The following RABGAP1L variants were observed in gnomAD, a reference collection of about 807,000 sequenced individuals.
RABGAP1L encodes the protein RAB GTPase activating protein 1 like.
A neutral mutation model predicts 137.7 loss-of-function variants in RABGAP1L; 63 were observed. That is an observed-to-expected ratio of 0.46 (90% CI 0.37 to 0.56). RABGAP1L has a LOEUF of 0.56. RABGAP1L is among the 20% of genes least tolerant of loss of function. The probability of loss-of-function intolerance (pLI) is 0.00; values close to 1 mark genes in which losing one functional copy is unlikely to be tolerated. For missense variants in RABGAP1L, 1,095 were observed against 1,244.0 expected, an observed-to-expected ratio of 0.88 and a Z score of 1.80; for synonymous variants, 431 against 433.7, an observed-to-expected ratio of 0.99 and a Z score of 0.08.
intron 18 of RABGAP1L, among the ~76,000 whole-genome samples, chr1:174,759,609 G>GA (rs901337083): frequency 8.8e-5 from 13 of 148,532 alleles, no homozygotes; most frequent in Admixed American, 6.7e-4. Context: ...AAAAAAAAAA[G>GA]AAAAAAAATG....
chr1:174,219,267 C>T lies in RABGAP1L; in HGVS notation c.110C>T (p.Thr37Ile), dbSNP rs1669571852. The change falls in exon 2 of 26, where the codon ACA (threonine) becomes ATA (isoleucine). Residue 37 changes from threonine (T) to isoleucine (I), a missense_variant. Around this residue, in one of 4 missense-constraint regions of RABGAP1L, gnomAD observed 356 missense variants for 326.3 expected, o/e 1.09. Coordinates refer to ENST00000681986, the MANE Select transcript of RABGAP1L (RefSeq NM_001366446.1). ...CCTCAGTATGCAGATGATAATTCTA[C>T]AAAACATGAAGAAAAACCTCAACTG... Reference protein sequence around the residue: ...LVPQYADDNSTKHEEKPQLKI... With the variant: ...LVPQYADDNSIKHEEKPQLKI... 6.3e-7 allele frequency: 1 copy of T among 1,577,956 alleles called. No homozygotes were observed. Among genetic ancestry groups the T allele is most frequent in the Non-Finnish European group, 8.6e-7 (1 of 1,161,666 alleles).
intron 9 of RABGAP1L, 44 bp downstream of exon 9, chr1:174,275,979 A>C (rs1266404337): frequency 6.7e-7 from 1 of 1,498,410 alleles, no homozygotes; most frequent in Non-Finnish European, 9.2e-7. Context: ...TTTACATTTT[A>C]TATTATGAAC....
intron 13 of RABGAP1L, among the ~76,000 whole-genome samples, chr1:174,589,984 T>C (rs1159655286): frequency 6.6e-6 from 1 of 152,132 alleles, no homozygotes; most frequent in African/African-American, 2.4e-5. Context: ...TATTTATTTA[T>C]ATTTCTGTGA....
intron 19 of RABGAP1L, among the ~76,000 whole-genome samples, chr1:174,885,823 C>T (rs377681950): frequency 7.8e-4 from 118 of 151,882 alleles, no homozygotes; most frequent in South Asian, 1.2e-3. Flanking sequence ...AAAAATTAGC[C>T]GGGCATGGTG....
At chr1:174,759,494 C>T (rs183975696) in intron 18 of RABGAP1L, among the ~76,000 whole-genome samples, 3 of 151,166 alleles carry the variant, frequency 2.0e-5, no homozygotes, top group African/African-American at 7.3e-5. Flanking sequence ...ACTTGGGAGG[C>T]TGAGGCAGGA....
chr1:174,707,299 C>T (rs1335488209), intron 17 of RABGAP1L, among the ~76,000 whole-genome samples: 1 of 151,960 alleles, frequency 6.6e-6, no homozygotes, highest in African/African-American at 2.4e-5. Context: ...GAATACGCAA[C>T]AAAATGAAAC....
chr1:174,430,020 A>C (rs906434753), intron 13 of RABGAP1L, among the ~76,000 whole-genome samples: 3 of 152,154 alleles, frequency 2.0e-5, no homozygotes, highest in Non-Finnish European at 4.4e-5. Flanking sequence ...AAAGCATGTA[A>C]ATTTAAAATT....
At chr1:174,805,942 A>T (rs1200586071) in intron 18 of RABGAP1L, among the ~76,000 whole-genome samples, 21 of 152,182 alleles carry the variant, frequency 1.4e-4, no homozygotes, top group Non-Finnish European at 1.5e-5. Context: ...TTGGGAAAGG[A>T]GTTGCATTTT....
At chr1:174,376,113 AG>A (rs1685518472) in intron 12 of RABGAP1L, among the ~76,000 whole-genome samples, 1 of 151,404 alleles carries the variant, frequency 6.6e-6, no homozygotes, top group South Asian at 2.1e-4. Flanking sequence ...AGAAGGAAGG[AG>A]AGAAAGACAG....
At chr1:174,849,093 C>G (rs540316277) in intron 19 of RABGAP1L, among the ~76,000 whole-genome samples, 10 of 152,126 alleles carry the variant, frequency 6.6e-5, no homozygotes, top group Non-Finnish European at 1.3e-4. Flanking sequence ...GGCTCGCGCA[C>G]GGTGCGTGCA....
At chr1:174,511,911 G>A (rs987651747) in intron 13 of RABGAP1L, among the ~76,000 whole-genome samples, 3 of 152,064 alleles carry the variant, frequency 2.0e-5, no homozygotes, top group African/African-American at 7.2e-5. Context: ...AAGCCACTGT[G>A]CCCGGCTGTG....
intron 13 of RABGAP1L, among the ~76,000 whole-genome samples, chr1:174,624,310 A>G (rs1410592799): frequency 6.6e-6 from 1 of 152,180 alleles, no homozygotes; most frequent in East Asian, 1.9e-4. Context: ...CTGATTTCCC[A>G]TAGCTAACAT....
At chr1:174,716,003 A>G (rs1680972393) in intron 17 of RABGAP1L, among the ~76,000 whole-genome samples, 1 of 152,246 alleles carries the variant, frequency 6.6e-6, no homozygotes, top group Non-Finnish European at 1.5e-5. Context: ...ATAAAATGGC[A>G]TAATATTTGC....
chr1:174,864,109 G>A (rs1049727678), intron 19 of RABGAP1L, among the ~76,000 whole-genome samples: 6 of 152,190 alleles, frequency 3.9e-5, no homozygotes, highest in Non-Finnish European at 5.9e-5. Context: ...AATTGAAGTC[G>A]TTGCTATTAC....
At chr1:174,857,325 C>T (rs2149007177) in intron 19 of RABGAP1L, among the ~76,000 whole-genome samples, 1 of 152,302 alleles carries the variant, frequency 6.6e-6, no homozygotes, top group Middle Eastern at 3.4e-3. Flanking sequence ...ATTTTTCTCT[C>T]TTGGCTTTGT....
At chr1:174,720,431 A>G (rs1301876243) in intron 17 of RABGAP1L, among the ~76,000 whole-genome samples, 1 of 151,728 alleles carries the variant, frequency 6.6e-6, no homozygotes, top group Non-Finnish European at 1.5e-5. Flanking sequence ...CTCCCACCTC[A>G]GCTTCCTGAG....
At chr1:174,849,630 C>A in intron 19 of RABGAP1L, 4 of 366,388 alleles carry the variant, frequency 1.1e-5, no homozygotes, top group East Asian at 7.4e-5. Context: ...AGAAAATATA[C>A]AGGATGAGAA....
chr1:174,839,034 T>TGG, intron 19 of RABGAP1L, among the ~76,000 whole-genome samples: 1 of 133,330 alleles, frequency 7.5e-6, no homozygotes, highest in East Asian at 2.3e-4. Context: ...TTTACGTGTG[T>TGG]GTGTGTGTGT....
At chr1:174,196,520 T>G (rs1667703598) in intron 1 of RABGAP1L, among the ~76,000 whole-genome samples, 2 of 151,850 alleles carry the variant, frequency 1.3e-5, no homozygotes, top group Non-Finnish European at 2.9e-5. Flanking sequence ...AGCATTTATA[T>G]TTCTTAATCC....
Sources: allele counts gnomAD v4.1 joint callset (sites outside exome capture counted in the v4.1 genomes callset), GRCh38; gene constraint gnomAD v4.1.1; regional missense constraint gnomAD v4.1.1; transcripts MANE v1.5; gene names NCBI Gene and HGNC (gene_info 2026-07-23, HGNC 2026-07-21).